LMBRD1: variants seen among roughly 807,000 people sequenced by gnomAD.
LMBRD1 encodes the protein LMBR1 domain containing 1.
In LMBRD1, 64 loss-of-function variants were observed where a neutral mutation model predicts 74.8. The observed-to-expected ratio is 0.86, with a 90% CI of 0.70 to 1.05. The LOEUF (loss-of-function observed/expected upper bound fraction) is 1.05. Among genes scored for constraint, LMBRD1 ranks in the 50% least tolerant of loss-of-function variants. The pLI is 0.00. For missense variants in LMBRD1, 652 were observed against 645.9 expected (o/e 1.01, Z -0.10); for synonymous variants, 204 against 216.3 (o/e 0.94, Z 0.50).
intron 12 of LMBRD1, among the ~76,000 whole-genome samples, chr6:69,700,267 T>A (rs1766096820): frequency 6.6e-6 from 1 of 151,932 alleles, no homozygotes; most frequent in Non-Finnish European, 1.5e-5. Context: ...TGTTAATTTA[T>A]CTCAAAATAA....
chr6:69,718,479 A>G (rs1202504141), intron 8 of LMBRD1, among the ~76,000 whole-genome samples: 1 of 152,180 alleles, frequency 6.6e-6, no homozygotes, highest in African/African-American at 2.4e-5. Flanking sequence ...GTCCATTCTT[A>G]TGCTGCTATA....
At chr6:69,780,161 T>C (rs906329260) in intron 3 of LMBRD1, among the ~76,000 whole-genome samples, 1 of 145,928 alleles carries the variant, frequency 6.9e-6, no homozygotes, top group African/African-American at 2.5e-5. Flanking sequence ...GTGGATGACA[T>C]GCCTGGTCAA....
chr6:69,766,008 T>G (rs925341640), intron 3 of LMBRD1, among the ~76,000 whole-genome samples: 1 of 152,002 alleles, frequency 6.6e-6, no homozygotes, highest in African/African-American at 2.4e-5. Context: ...CCCTGAAATT[T>G]TCTACCTATA....
At position 69,736,629 on chromosome 6, in the gene LMBRD1, T is replaced by G. The variant is rs73481746; in HGVS notation, c.636+1313A>C. Among the ~76,000 whole-genome samples the G allele has an allele frequency of 6.9e-3, 1,055 of 152,334 alleles. 15 individuals carry two copies. The highest frequency in any genetic ancestry group is 0.021 in the African/African-American group (883 of 41,584). On this transcript the variant is annotated intron_variant, in intron 7 of 15. Coordinates refer to ENST00000649934, the MANE Select transcript of LMBRD1 (RefSeq NM_018368.4). ...TTTCTCCTGACTTATGTTTCATTGA[T>G]TGCTATATCCTCATTTCTCTAAAGG...
chr6:69,721,459 G>A (rs1318927992), intron 7 of LMBRD1, among the ~76,000 whole-genome samples: 1 of 152,154 alleles, frequency 6.6e-6, no homozygotes, highest in Non-Finnish European at 1.5e-5. Context: ...GCTCACAGAT[G>A]ACATTTCTAG....
chr6:69,784,175 C>T lies in LMBRD1; in HGVS notation c.247-3621G>A, dbSNP rs74372695. Among the ~76,000 whole-genome samples the T allele has an allele frequency of 4.1e-3, 621 of 152,232 alleles. 4 individuals carry two copies. The highest frequency in any genetic ancestry group is 0.014 in the African/African-American group (587 of 41,534). ...CCTTGATATGTTTTATAAACTATTG[C>T]CTCTCGAAGTAGAAACTAAAAGAAA... On this transcript the variant is annotated intron_variant, in intron 2 of 15. Transcript: ENST00000649934.
chr6:69,764,332 ACT>A (rs113092782), intron 3 of LMBRD1, among the ~76,000 whole-genome samples: 53,774 of 147,044 alleles, frequency 0.37, 9,974 homozygotes, highest in East Asian at 0.54. Context: ...TCGTTACCTC[ACT>A]CTCTCTCTCT....
At chr6:69,753,920 G>A (rs981350303) in intron 3 of LMBRD1, among the ~76,000 whole-genome samples, 5 of 150,606 alleles carry the variant, frequency 3.3e-5, no homozygotes, top group South Asian at 2.1e-4. Flanking sequence ...CAGCCTGGGC[G>A]AGAGAGAGAC....
chr6:69,725,339 TCACACACA>T (rs111747887), intron 7 of LMBRD1, among the ~76,000 whole-genome samples: 55,905 of 148,008 alleles, frequency 0.38, 11,423 homozygotes, highest in East Asian at 0.55. Context: ...ATGACAATCT[TCACACACA>T]CACACACACA....
chr6:69,778,820 C>T (rs1043462064), intron 3 of LMBRD1, among the ~76,000 whole-genome samples: 1 of 151,666 alleles, frequency 6.6e-6, no homozygotes, highest in African/African-American at 2.4e-5. Flanking sequence ...AAAATCTACC[C>T]GAAAGAAATA....
At chr6:69,793,429 C>T (rs1464596286) in intron 1 of LMBRD1, among the ~76,000 whole-genome samples, 1 of 152,162 alleles carries the variant, frequency 6.6e-6, no homozygotes, top group East Asian at 1.9e-4. Context: ...TTTGGTATTT[C>T]TAACAAGTTC....
intron 9 of LMBRD1, among the ~76,000 whole-genome samples, chr6:69,704,847 T>G (rs888980887): frequency 6.6e-6 from 1 of 152,090 alleles, no homozygotes; most frequent in Non-Finnish European, 1.5e-5. Flanking sequence ...TGCTTTTATC[T>G]TATTTTCTTC....
At position 69,743,654 on chromosome 6, in the gene LMBRD1, T is replaced by C. The variant is rs113651953; in HGVS notation, c.474-1777A>G. Among the ~76,000 whole-genome samples, 955 of 152,292 alleles carry C rather than the reference T, an allele frequency of 6.3e-3. 4 individuals carry two copies. The highest frequency in any genetic ancestry group is 0.011 in the Non-Finnish European group (742 of 68,018). ...AACGAAAGCACAAATTCAAAGCAGG[T>C]TCTTAAATTACTTTACCATCAGGAT... On this transcript the variant is annotated intron_variant, in intron 5 of 15. Coordinates refer to ENST00000649934, the MANE Select transcript of LMBRD1 (RefSeq NM_018368.4).
At chr6:69,713,929 A>C in intron 8 of LMBRD1, 132 bp from the exon 9 acceptor site, 2 of 860,996 alleles carry the variant, frequency 2.3e-6, no homozygotes, top group Non-Finnish European at 3.7e-6. Context: ...ACTAAAAAAA[A>C]CCTGACAACT....
At chr6:69,761,011 C>T (rs566752051) in intron 3 of LMBRD1, among the ~76,000 whole-genome samples, 28 of 152,288 alleles carry the variant, frequency 1.8e-4, no homozygotes, top group Admixed American at 1.8e-3. Flanking sequence ...GCACACCCAA[C>T]TAAGGTGCAT....
chr6:69,701,385 G>T, intron 11 of LMBRD1, 58 bp downstream of exon 11: 1 of 976,336 alleles, frequency 1.0e-6, no homozygotes, highest in Non-Finnish European at 1.6e-6. Context: ...ATGTTTGCTA[G>T]ACTCTAGCAT....
intron 3 of LMBRD1, among the ~76,000 whole-genome samples, chr6:69,754,001 C>A (rs1765219999): frequency 6.6e-6 from 1 of 151,456 alleles, no homozygotes; most frequent in African/African-American, 2.4e-5. Context: ...ATGAACTTAG[C>A]ATAACCAGGA....
chr6:69,747,776 T>C (rs779844298), intron 5 of LMBRD1, among the ~76,000 whole-genome samples: 2 of 152,244 alleles, frequency 1.3e-5, no homozygotes, highest in Non-Finnish European at 2.9e-5. Context: ...CAAAAACGTA[T>C]GAGCTACATG....
At chr6:69,720,932 G>A (rs554336498) in intron 7 of LMBRD1, among the ~76,000 whole-genome samples, 1 of 152,308 alleles carries the variant, frequency 6.6e-6, no homozygotes, top group South Asian at 2.1e-4. Flanking sequence ...GCTTTCAGGA[G>A]GGACAGCACA....
Sources: gnomAD v4.1 joint callset for allele counts (sites outside exome capture counted in the v4.1 genomes callset) on GRCh38, gnomAD v4.1.1 for gene constraint, MANE v1.5 for transcripts, NCBI Gene and HGNC (gene_info 2026-07-23, HGNC 2026-07-21) for gene names.